Variants in CNTNAP2 observed in about 807,000 individuals in gnomAD.
CNTNAP2 encodes the protein contactin-associated protein-like 2.
In CNTNAP2, 98 loss-of-function variants were observed where a neutral mutation model predicts 155.2. The ratio of observed to expected loss-of-function variants is 0.63; its 90% CI spans 0.54 to 0.75. The LOEUF is 0.75. CNTNAP2 is among the 30% of genes least tolerant of loss of function. CNTNAP2 has a pLI of 0.00. For synonymous variants in CNTNAP2, 651 were observed against 631.2 expected, an observed-to-expected ratio of 1.03 and a Z score of -0.47; for missense variants, 1,727 against 1,688.1, an observed-to-expected ratio of 1.02 and a Z score of -0.40.
chr7:146,793,144 A>G (rs1802704424), intron 2 of CNTNAP2, among the ~76,000 whole-genome samples: 1 of 152,182 alleles, frequency 6.6e-6, no homozygotes, highest in South Asian at 2.1e-4. Flanking sequence ...TGTATGTTAC[A>G]CTTATCTTGA....
chr7:148,331,242 CAGATGGATGGAATGGAT>C (rs1456818319), intron 21 of CNTNAP2, among the ~76,000 whole-genome samples: 14 of 13,858 alleles, frequency 1.0e-3, no homozygotes, highest in East Asian at 8.3e-3. Context: ...ATGGATGGAA[CAGATGGATGGAATGGAT>C]GGATGGATGG....
At chr7:147,365,518 A>G (rs995377227) in intron 9 of CNTNAP2, among the ~76,000 whole-genome samples, 11 of 151,146 alleles carry the variant, frequency 7.3e-5, no homozygotes, top group African/African-American at 2.7e-4. Flanking sequence ...AATATTTTCT[A>G]CTATTCTATT....
chr7:147,710,863 G>A lies in CNTNAP2; in HGVS notation c.2098+71557G>A, dbSNP rs1796391686. ...CTTTCTCAGGGGTTCCATTTCTGAAGTGGAAATTAATTTGATGCTTCTCTA... is the reference window on the plus strand; with the variant it reads ...CTTTCTCAGGGGTTCCATTTCTGAAATGGAAATTAATTTGATGCTTCTCTA... On this transcript the variant is annotated intron_variant, in intron 13 of 23. Transcript: ENST00000361727. Among the ~76,000 whole-genome samples, 2 of 152,122 alleles carry A rather than the reference G, an allele frequency of 1.3e-5. 1 individual carries two copies. Among genetic ancestry groups the A allele is most frequent in the African/African-American group, 4.8e-5 (2 of 41,430 alleles).
chr7:148,048,480 C>A (rs1247130440), intron 15 of CNTNAP2, among the ~76,000 whole-genome samples: 2 of 152,144 alleles, frequency 1.3e-5, no homozygotes, highest in Non-Finnish European at 2.9e-5. Context: ...CATTTCTTCA[C>A]AGAATCCAGT....
intron 1 of CNTNAP2, among the ~76,000 whole-genome samples, chr7:146,584,325 G>T (rs1245115437): frequency 6.6e-6 from 1 of 152,144 alleles, no homozygotes; most frequent in Non-Finnish European, 1.5e-5. Flanking sequence ...TGCACCGAAA[G>T]AATTCAGTCA....
At chr7:148,398,258 A>G (rs1159481951) in intron 22 of CNTNAP2, among the ~76,000 whole-genome samples, 1 of 152,200 alleles carries the variant, frequency 6.6e-6, no homozygotes, top group East Asian at 1.9e-4. Context: ...CTAGTTTCTG[A>G]AAACTTAAGA....
chr7:146,261,451 A>C (rs1423436675), intron 1 of CNTNAP2, among the ~76,000 whole-genome samples: 3 of 151,786 alleles, frequency 2.0e-5, no homozygotes, highest in Non-Finnish European at 4.4e-5. Flanking sequence ...CAATTATAAT[A>C]AATAATATAG....
intron 3 of CNTNAP2, among the ~76,000 whole-genome samples, chr7:146,841,832 G>T (rs536500363): frequency 1.7e-4 from 26 of 151,212 alleles, no homozygotes; most frequent in African/African-American, 6.3e-4. Context: ...GCTAAATGCA[G>T]AGACATAAGG....
intron 17 of CNTNAP2, among the ~76,000 whole-genome samples, chr7:148,157,927 T>C (rs1259857592): frequency 2.6e-5 from 4 of 152,130 alleles, no homozygotes; most frequent in African/African-American, 9.7e-5. Context: ...TAGAAGCTCC[T>C]CCAAGAAATG....
intron 1 of CNTNAP2, among the ~76,000 whole-genome samples, chr7:146,754,513 T>C (rs910943946): frequency 1.8e-4 from 28 of 151,648 alleles, no homozygotes; most frequent in African/African-American, 6.5e-4. Flanking sequence ...GAAATAAAAT[T>C]AAGTCATGTA....
intron 4 of CNTNAP2, among the ~76,000 whole-genome samples, chr7:147,088,509 A>G (rs868359943): frequency 2.0e-5 from 3 of 152,212 alleles, no homozygotes; most frequent in South Asian, 2.1e-4. Flanking sequence ...TATTTACAAG[A>G]CAATTCAAGT....
chr7:146,405,370 C>T (rs1026781714), intron 1 of CNTNAP2, among the ~76,000 whole-genome samples: 1 of 152,158 alleles, frequency 6.6e-6, no homozygotes, highest in Non-Finnish European at 1.5e-5. Context: ...GCCTGCTTTG[C>T]TCAGCAACGT....
intron 13 of CNTNAP2, among the ~76,000 whole-genome samples, chr7:147,852,089 G>A (rs1798954746): frequency 6.6e-6 from 1 of 152,048 alleles, no homozygotes; most frequent in Non-Finnish European, 1.5e-5. Context: ...TTGCCTCTTT[G>A]GGAACTCCAG....
intron 3 of CNTNAP2, among the ~76,000 whole-genome samples, chr7:147,039,584 T>C (rs1421816033): frequency 6.6e-6 from 1 of 152,212 alleles, no homozygotes; most frequent in Non-Finnish European, 1.5e-5. Context: ...CTTCATCCAA[T>C]CTGGGTTGAT....
chr7:146,718,251 A>G (rs1801225820), intron 1 of CNTNAP2, among the ~76,000 whole-genome samples: 4 of 152,204 alleles, frequency 2.6e-5, no homozygotes, highest in African/African-American at 9.6e-5. Flanking sequence ...CCAATTCTGT[A>G]AGATTAATTG....
chr7:146,899,333 C>T (rs957294675), intron 3 of CNTNAP2, among the ~76,000 whole-genome samples: 1 of 152,096 alleles, frequency 6.6e-6, no homozygotes, highest in East Asian at 1.9e-4. Context: ...GACTTTTCTT[C>T]GGGGTCCTGA....
intron 21 of CNTNAP2, among the ~76,000 whole-genome samples, chr7:148,328,262 G>A (rs1209358838): frequency 6.6e-6 from 1 of 152,136 alleles, no homozygotes; most frequent in Non-Finnish European, 1.5e-5. Flanking sequence ...GCTGGAGCTT[G>A]TTGGCCCGGG....
At chr7:147,052,270 C>T (rs544148395) in intron 4 of CNTNAP2, among the ~76,000 whole-genome samples, 1 of 152,186 alleles carries the variant, frequency 6.6e-6, no homozygotes, top group South Asian at 2.1e-4. Flanking sequence ...ATAAAGTCAA[C>T]TGCAAGATAC....
In CNTNAP2 at chr7:146,661,194, C is replaced by T. The variant is rs185535995; in HGVS notation, c.98-113077C>T. On this transcript the variant is annotated intron_variant, in intron 1 of 23. Coordinates refer to ENST00000361727, the MANE Select transcript of CNTNAP2 (RefSeq NM_014141.6). ...CTTCCTGAAAATCATGTATCTGGTACTTTATCATTTTAGCTCATATATCCA... is the reference window on the plus strand; with the variant it reads ...CTTCCTGAAAATCATGTATCTGGTATTTTATCATTTTAGCTCATATATCCA... Among the ~76,000 whole-genome samples the T allele has an allele frequency of 3.7e-4, 56 of 152,212 alleles. No homozygotes were observed. In the East Asian group the frequency reaches 8.7e-3, roughly 24 times the overall value.
Sources: allele counts gnomAD v4.1 joint callset (sites outside exome capture counted in the v4.1 genomes callset), GRCh38; gene constraint gnomAD v4.1.1; transcripts MANE v1.5; gene names NCBI Gene and HGNC (gene_info 2026-07-23, HGNC 2026-07-21).